Variants in COL17A1 observed in about 807,000 individuals in gnomAD.
COL17A1 encodes the protein collagen type XVII alpha 1 chain.
A neutral mutation model predicts 218.4 loss-of-function variants in COL17A1; 181 were observed. The ratio of observed to expected loss-of-function variants is 0.83; its 90% CI spans 0.73 to 0.94. COL17A1 has a LOEUF of 0.94. Among genes scored for constraint, COL17A1 ranks in the 40% least tolerant of loss-of-function variants. The pLI, the probability that COL17A1 is intolerant of heterozygous loss-of-function variation, is 0.00. For synonymous variants in COL17A1, 721 were observed against 731.0 expected (o/e 0.99, Z 0.22); for missense variants, 1,924 against 1,945.9 (o/e 0.99, Z 0.21).
Position 104,032,762 on chromosome 10 carries a change from G to A in COL17A1, c.4358-8C>T. On this transcript the variant is annotated splice_region_variant and splice_polypyrimidine_tract_variant and intron_variant, in intron 54 of 55. Coordinates refer to ENST00000648076, the MANE Select transcript of COL17A1 (RefSeq NM_000494.4). ...CAGCAGGGCCCCTGTCACCTGGAAG[G>A]AAAAATGGGGCGTAACTAAGTAATA... is the stretch of plus-strand genomic sequence containing the variant. The A allele has an allele frequency of 6.2e-7, 1 of 1,614,006 alleles. No individual in the cohort carries two copies. The highest frequency in any genetic ancestry group is 8.5e-7 in the Non-Finnish European group (1 of 1,179,936).
At position 104,038,464 on chromosome 10, in the gene COL17A1, C is replaced by T. The variant is rs368653483; in HGVS notation, c.3012G>A (p.Pro1004=). The part of the protein sequence containing the change: ...PPGPPGPPGP[P]GSISSSGQEI... ...CCTGGCCAGAGCTGCTGATAGAGCC[C>T]GGAGGCCCAGGGGGCCCAGGGGGCC... is the stretch of plus-strand genomic sequence containing the variant. Residue 1004 remains proline, a synonymous_variant, in exon 45 of 56, where the codon CCG becomes CCA. Transcript: ENST00000648076. The T allele has an allele frequency of 2.9e-5, 46 of 1,613,956 alleles. No individual in the cohort carries two copies. In the Middle Eastern group the frequency reaches 4.9e-4, roughly 17 times the overall value.
intron 10 of COL17A1, 125 bp from the exon 11 acceptor site, chr10:104,063,943 G>A: frequency 7.1e-7 from 1 of 1,409,690 alleles, no homozygotes; most frequent in Non-Finnish European, 9.8e-7. Context: ...GTAAATTTTT[G>A]TTTTTAGGAA....
intron 7 of COL17A1, among the ~76,000 whole-genome samples, chr10:104,072,608 TA>T (rs1359884019): frequency 6.6e-6 from 1 of 152,184 alleles, no homozygotes; most frequent in Non-Finnish European, 1.5e-5. Context: ...ACTTCCAAGT[TA>T]TTGATGATAA....
intron 10 of COL17A1, among the ~76,000 whole-genome samples, chr10:104,064,097 T>C (rs995009663): frequency 2.6e-5 from 4 of 152,222 alleles, no homozygotes; most frequent in African/African-American, 9.6e-5. Flanking sequence ...GACCCCACTT[T>C]ACAGAGATGG....
rs1201269302 is a variant in COL17A1 at position 104,037,774 on chromosome 10, C to T, written c.3071-1G>A. On this transcript the variant is annotated splice_acceptor_variant, in intron 45 of 55. Transcript: ENST00000648076. LOFTEE classifies it high-confidence loss of function. Reference sequence around the variant, plus strand: ...GATAGGTAAGATCTAATACTGTCACCTGCCGACCAAGGAACAAAGCAAAGT... The same window carrying T: ...GATAGGTAAGATCTAATACTGTCACTTGCCGACCAAGGAACAAAGCAAAGT... 6.2e-7 allele frequency: 1 copy of T among 1,613,738 alleles called. No homozygotes were observed. The highest frequency in any genetic ancestry group is 2.2e-5 in the East Asian group (1 of 44,862).
At position 104,043,707 on chromosome 10, in the gene COL17A1, C is replaced by T. The variant is rs1207779685; in HGVS notation, c.2434+118G>A. 3.3e-6 allele frequency: 5 copies of T among 1,511,084 alleles called. No individual in the cohort carries two copies. The South Asian group carries it at 3.4e-5, about 10-fold the overall frequency. 93.6% of individuals were successfully genotyped at this position (1,511,084 alleles called of 1,614,324 possible). A position where few individuals can be genotyped will look rare whatever the true frequency, so the allele number is the denominator to read the frequency against. On this transcript the variant is annotated intron_variant, in intron 34 of 55. Coordinates refer to ENST00000648076, the MANE Select transcript of COL17A1 (RefSeq NM_000494.4). ...CTCATCGCTGCTAAATTTCCCTCCT[C>T]CCCCGCTACTGATCCAAAAAACTCC...
Position 104,063,729 on chromosome 10 carries a change from C to T in COL17A1, c.838+18G>A. On this transcript the variant is annotated intron_variant, in intron 11 of 55. Coordinates refer to ENST00000648076, the MANE Select transcript of COL17A1 (RefSeq NM_000494.4). ...TGCAAATAGCCTGGAAAAGTCATCT[C>T]AAGATGGTGACACTGACCTGAGGAG... is the stretch of plus-strand genomic sequence containing the variant. 1.9e-6 allele frequency: 3 copies of T among 1,614,098 alleles called. No individual in the cohort carries two copies. In the South Asian group the frequency reaches 3.3e-5, roughly 18 times the overall value.
At chr10:104,060,400 T>A in intron 13 of COL17A1, 120 bp from the exon 14 acceptor site, 1 of 1,389,002 alleles carries the variant, frequency 7.2e-7, no homozygotes, top group Non-Finnish European at 9.9e-7. Context: ...TTAGCAGGTG[T>A]GTATGAGGGT....
chr10:104,049,749 G>T (rs1243377186), intron 28 of COL17A1, among the ~76,000 whole-genome samples: 1 of 152,262 alleles, frequency 6.6e-6, no homozygotes, highest in Non-Finnish European at 1.5e-5. Flanking sequence ...AATCATGCCA[G>T]TTGGCAGGAG....
intron 36 of COL17A1, 49 bp downstream of exon 36, chr10:104,042,371 T>A (rs1157313028): frequency 6.2e-7 from 1 of 1,604,728 alleles, no homozygotes; most frequent in Non-Finnish European, 8.5e-7. Context: ...GAGAGGAAAG[T>A]CCTCCCGACT....
At chr10:104,082,421 C>A (rs971542785) in intron 1 of COL17A1, among the ~76,000 whole-genome samples, 1 of 152,138 alleles carries the variant, frequency 6.6e-6, no homozygotes, top group African/African-American at 2.4e-5. Context: ...CTCTGACTTT[C>A]TTTTAAAAAA....
At chr10:104,072,376 A>G (rs1006515785) in intron 7 of COL17A1, among the ~76,000 whole-genome samples, 2 of 152,130 alleles carry the variant, frequency 1.3e-5, no homozygotes, top group African/African-American at 2.4e-5. Flanking sequence ...TCCTTTCCCC[A>G]TCATCCACCT....
chr10:104,043,951 G>C (rs2086385772), intron 33 of COL17A1, 91 bp from the exon 34 acceptor site: 1 of 1,429,412 alleles, frequency 7.0e-7, no homozygotes, highest in African/African-American at 1.4e-5. Flanking sequence ...TTGCATTTGG[G>C]ACCCACTTCT....
At chr10:104,053,251 G>T (rs893485636) in intron 22 of COL17A1, 116 bp from the exon 23 acceptor site, 2 of 1,159,496 alleles carry the variant, frequency 1.7e-6, no homozygotes, top group Admixed American at 1.9e-5. Context: ...CTCCCTGCTT[G>T]CTTCTCTCCT....
chr10:104,073,864 T>C (rs1336349418), intron 6 of COL17A1: 1 of 359,292 alleles, frequency 2.8e-6, no homozygotes, highest in Non-Finnish European at 5.3e-6. Context: ...GAGGCCTCTG[T>C]GCATCTCATG....
chr10:104,034,704 G>C lies in COL17A1; in HGVS notation c.3683C>G (p.Pro1228Arg). Residue 1228 changes from proline (P) to arginine (R), a missense_variant, in exon 51 of 56, where the codon CCC becomes CGC. Coordinates refer to ENST00000648076, the MANE Select transcript of COL17A1 (RefSeq NM_000494.4). ...TGCCAGGGCTCCTGAGACACCCGGG[G>C]GCCCTCGAGGCCCTGGGGGACCAGG... ...GPPGPPGPRG[P>R]PGVSGALATY... 1 of 1,610,780 alleles carries C rather than the reference G, an allele frequency of 6.2e-7. No homozygotes were observed. Among genetic ancestry groups the C allele is most frequent in the Non-Finnish European group, 8.5e-7 (1 of 1,178,980 alleles).
Position 104,034,220 on chromosome 10 carries a change from G to A in COL17A1, c.3881C>T (p.Ser1294Phe), listed in dbSNP as rs763668125. ...CCTGACAGATGAGCTGTGTGAGGAG[G>A]AGCTGCTACCCCGACTGTGGGAGGC... ...TDASHSRGSS[S>F]SSHSSSVRRG... Residue 1294 changes from serine (S) to phenylalanine (F), a missense_variant, in exon 52 of 56, where the codon TCC becomes TTC. By Grantham distance (155) the Ser-to-Phe change is radical. Coordinates refer to ENST00000648076, the MANE Select transcript of COL17A1 (RefSeq NM_000494.4). 5.0e-6 allele frequency: 8 copies of A among 1,612,388 alleles called. No homozygotes were observed. The East Asian group carries it at 1.8e-4, about 36-fold the overall frequency.
chr10:104,076,996 T>C (rs753956296), intron 4 of COL17A1, among the ~76,000 whole-genome samples: 46 of 152,224 alleles, frequency 3.0e-4, no homozygotes, highest in Non-Finnish European at 2.9e-4. Flanking sequence ...CTTAGCACAG[T>C]AACCCAATCG....
chr10:104,042,157 G>A (rs1184578172), intron 36 of COL17A1, among the ~76,000 whole-genome samples: 2 of 152,078 alleles, frequency 1.3e-5, no homozygotes, highest in African/African-American at 4.8e-5. Flanking sequence ...TTGCTCTCTG[G>A]GTCAGCTGTA....
Sources: gnomAD v4.1 joint callset for allele counts (sites outside exome capture counted in the v4.1 genomes callset) on GRCh38, gnomAD v4.1.1 for gene constraint, MANE v1.5 for transcripts, NCBI Gene and HGNC (gene_info 2026-07-23, HGNC 2026-07-21) for gene names.